The following TGFBI variants were observed in gnomAD, a reference collection of about 807,000 sequenced individuals.
TGFBI encodes the protein transforming growth factor-beta-induced protein ig-h3.
TGFBI carries 50 observed loss-of-function variants against 73.7 expected under a neutral mutation model. The observed-to-expected ratio is 0.68, with a 90% CI of 0.54 to 0.86. The LOEUF is 0.86. TGFBI is among the 40% of genes least tolerant of loss of function. The pLI is 0.00. For synonymous variants in TGFBI, 362 were observed against 360.5 expected, an observed-to-expected ratio of 1.00 and a Z score of -0.05; for missense variants, 839 against 877.0, an observed-to-expected ratio of 0.96 and a Z score of 0.55.
chr5:136,053,329 G>A (rs1324418325), intron 8 of TGFBI, among the ~76,000 whole-genome samples: 1 of 152,252 alleles, frequency 6.6e-6, no homozygotes, highest in Non-Finnish European at 1.5e-5. Flanking sequence ...AGAGGCAGTG[G>A]GGAGCTATTG....
Position 136,049,423 on chromosome 5 carries a change from TCTCTC to T in TGFBI, c.772-12_772-8del. 1.2e-6 allele frequency: 2 copies of T among 1,612,650 alleles called. No individual in the cohort carries two copies. The highest frequency in any genetic ancestry group is 1.7e-6 in the Non-Finnish European group (2 of 1,178,830). The stretch of plus-strand genomic sequence containing the variant: ...AGAGTCTTCAGGGAGCACTCCATCT[TCTCTC>T]CTCCCCACAGGCTGCTGTGGCTGCA... On this transcript the variant is annotated splice_polypyrimidine_tract_variant and intron_variant, in intron 6 of 16. Transcript: ENST00000442011.
intron 9 of TGFBI, 155 bp from the exon 10 acceptor site, chr5:136,054,561 C>T: frequency 1.0e-6 from 1 of 1,002,740 alleles, no homozygotes; most frequent in Non-Finnish European, 1.6e-6. Context: ...ATAGAAGATA[C>T]CAGATGTTAA....
rs121909212 is a variant in TGFBI at position 136,055,770 on chromosome 5, C to A, written c.1501C>A (p.Pro501Thr). Residue 501 changes from proline to threonine, a missense_variant, in exon 11 of 17, where the codon CCA becomes ACA. By Grantham distance (38) the Pro-to-Thr change is conservative. Transcript: ENST00000442011. ...CACGATGGACCGGGTGCTGACCCCC[C>A]CAATGGGGACTGTCATGGATGTCCT... ...LFTMDRVLTP[P>T]MGTVMDVLKG... is the part of the protein sequence containing the mutation. The A allele has an allele frequency of 2.6e-4, 425 of 1,612,638 alleles. 2 individuals carry two copies. The East Asian group carries it at 7.2e-3, about 27-fold the overall frequency.
intron 2 of TGFBI, among the ~76,000 whole-genome samples, chr5:136,039,477 G>A (rs931398879): frequency 1.6e-4 from 24 of 152,292 alleles, no homozygotes; most frequent in African/African-American, 5.5e-4. Context: ...CCTCAAACCT[G>A]TGGCTGTGGG....
chr5:136,029,306 A>C, intron 1 of TGFBI, 117 bp downstream of exon 1: 2 of 1,226,736 alleles, frequency 1.6e-6, no homozygotes, highest in Non-Finnish European at 2.1e-6. Flanking sequence ...CCGAACTAAA[A>C]ACCTTGCAGC....
chr5:136,053,969 G>A lies in TGFBI; in HGVS notation c.1153G>A (p.Glu385Lys). 1 of 1,614,036 alleles carries A rather than the reference G, an allele frequency of 6.2e-7. No individual in the cohort carries two copies. The highest frequency in any genetic ancestry group is 1.3e-5 in the African/African-American group (1 of 75,064). ...SAKTLFELAAESDVSTAIDLF... is the reference protein window; with the variant it reads ...SAKTLFELAAKSDVSTAIDLF... ...CAAGACACTATTTGAATTGGCTGCA[G>A]AGTCTGATGTGTCCACAGCCATTGA... The change falls in exon 9 of 17, where the codon GAG (glutamate) becomes AAG (lysine). Residue 385 changes from glutamate to lysine, a missense_variant. Coordinates refer to ENST00000442011, the MANE Select transcript of TGFBI (RefSeq NM_000358.3).
At chr5:136,056,504 G>C in intron 11 of TGFBI, 161 bp from the exon 12 acceptor site, 2 of 806,310 alleles carry the variant, frequency 2.5e-6, no homozygotes, top group Non-Finnish European at 3.9e-6. Context: ...CTCCCTCTTT[G>C]TGCATACGGA....
intron 5 of TGFBI, 117 bp from the exon 6 acceptor site, chr5:136,047,157 C>T (rs1262702449): frequency 5.2e-6 from 8 of 1,534,916 alleles, no homozygotes; most frequent in Middle Eastern, 1.7e-4. Context: ...CTCTATTCCA[C>T]AGCTTGTGGA....
Position 136,049,465 on chromosome 5 carries a change from C to G in TGFBI, c.798C>G (p.Asn266Lys). 1 of 1,613,996 alleles carries G rather than the reference C, an allele frequency of 6.2e-7. No individual in the cohort carries two copies. The highest frequency in any genetic ancestry group is 2.2e-5 in the East Asian group (1 of 44,880). ...LRAAVAASGL[N>K]TMLEGNGQYT... ...CTGCTGTGGCTGCATCAGGGCTCAA[C>G]ACGATGCTTGAAGGTAACGGCCAGT... Residue 266 changes from asparagine to lysine, a missense_variant, in exon 7 of 17, where the codon AAC (asparagine) becomes AAG (lysine). Asn to Lys is a moderately conservative substitution (Grantham distance 94). Coordinates refer to ENST00000442011, the MANE Select transcript of TGFBI (RefSeq NM_000358.3).
At chr5:136,051,607 G>T (rs1348707221) in intron 7 of TGFBI, among the ~76,000 whole-genome samples, 1 of 152,200 alleles carries the variant, frequency 6.6e-6, no homozygotes, top group Non-Finnish European at 1.5e-5. Context: ...GAAGGAAGAG[G>T]TCCTTGCCCC....
chr5:136,050,360 G>C (rs1478757838), intron 7 of TGFBI, among the ~76,000 whole-genome samples: 2 of 150,954 alleles, frequency 1.3e-5, no homozygotes, highest in South Asian at 4.2e-4. Flanking sequence ...AACAGTTATA[G>C]TAGTCAACTT....
chr5:136,051,432 GA>G (rs1214075134), intron 7 of TGFBI, among the ~76,000 whole-genome samples: 1 of 150,590 alleles, frequency 6.6e-6, no homozygotes, highest in Non-Finnish European at 1.5e-5. Context: ...TCTCTCAAAA[GA>G]AAAAAACAAA....
rs766396734 is a variant in TGFBI, at chr5:136,033,873, T to C, written c.233+12T>C. The C allele has an allele frequency of 6.2e-7, 1 of 1,610,674 alleles. No individual in the cohort carries two copies. The highest frequency in any genetic ancestry group is 8.5e-7 in the Non-Finnish European group (1 of 1,177,608). On this transcript the variant is annotated intron_variant, in intron 2 of 16. Coordinates refer to ENST00000442011, the MANE Select transcript of TGFBI (RefSeq NM_000358.3). Reference sequence around the variant, plus strand: ...TGTGGCAAATCAACGTGAGTATCTGTAACCAGCCAGGAGACCAAGCTGTAT... The same window carrying C: ...TGTGGCAAATCAACGTGAGTATCTGCAACCAGCCAGGAGACCAAGCTGTAT...
chr5:136,055,871 G>C lies in TGFBI; in HGVS notation c.1547+55G>C, dbSNP rs957978281. On this transcript the variant is annotated intron_variant, in intron 11 of 16. Coordinates refer to ENST00000442011, the MANE Select transcript of TGFBI (RefSeq NM_000358.3). ...CTGCCCAGTGGTCATGCTGGAGTGG[G>C]ATGTGGGGCCCCAGCTATTTGTCAA... The C allele has an allele frequency of 2.0e-6, 3 of 1,527,712 alleles. No homozygotes were observed. The African/African-American group carries it at 4.1e-5, about 21-fold the overall frequency. 94.6% of individuals were successfully genotyped at this position (1,527,712 alleles called of 1,614,324 possible).
intron 2 of TGFBI, among the ~76,000 whole-genome samples, chr5:136,040,405 A>G (rs1473388768): frequency 6.6e-6 from 1 of 152,164 alleles, no homozygotes; most frequent in African/African-American, 2.4e-5. Flanking sequence ...CTCCTGTCAG[A>G]TCAGCAGTGG....
intron 13 of TGFBI, among the ~76,000 whole-genome samples, chr5:136,060,346 G>A (rs1020941844): frequency 1.4e-4 from 21 of 152,210 alleles, no homozygotes; most frequent in Admixed American, 1.4e-3. Flanking sequence ...CCACACTGAA[G>A]GTCTGTCAAG....
intron 1 of TGFBI, among the ~76,000 whole-genome samples, chr5:136,030,396 C>T (rs1580706121): frequency 6.6e-6 from 1 of 152,146 alleles, no homozygotes; most frequent in African/African-American, 2.4e-5. Flanking sequence ...CTCTTGTTTC[C>T]TCTACTTGTG....
intron 9 of TGFBI, 101 bp from the exon 10 acceptor site, chr5:136,054,615 A>G (rs1751593107): frequency 1.5e-5 from 23 of 1,529,276 alleles, no homozygotes; most frequent in Non-Finnish European, 2.0e-5. Context: ...CCTGTTTCCA[A>G]ACTCAAGGAG....
At chr5:136,049,157 A>G in intron 6 of TGFBI, 1 of 355,936 alleles carries the variant, frequency 2.8e-6, no homozygotes, top group Non-Finnish European at 5.1e-6. Flanking sequence ...GAAGCAAAGT[A>G]AGAGGGAAGA....
Sources: allele counts gnomAD v4.1 joint callset (sites outside exome capture counted in the v4.1 genomes callset), GRCh38; gene constraint gnomAD v4.1.1; transcripts MANE v1.5; gene names NCBI Gene and HGNC (gene_info 2026-07-23, HGNC 2026-07-21).